RGS22: variants seen among roughly 807,000 people sequenced by gnomAD.
RGS22 encodes the protein regulator of G-protein signaling 22.
In RGS22, 148 loss-of-function variants were observed where a neutral mutation model predicts 172.9. The observed-to-expected ratio is 0.86, with a 90% CI of 0.75 to 0.98. RGS22 has a LOEUF of 0.98. RGS22 is among the 50% of genes least tolerant of loss of function. RGS22 has a pLI of 0.00. For synonymous variants in RGS22, 458 were observed against 480.2 expected (o/e 0.95, Z 0.60); for missense variants, 1,347 against 1,440.8 (o/e 0.93, Z 1.05).
At chr8:100,016,296 T>C (rs1816939538) in intron 14 of RGS22, among the ~76,000 whole-genome samples, 1 of 151,992 alleles carries the variant, frequency 6.6e-6, no homozygotes, top group African/African-American at 2.4e-5. Context: ...ATAAATAAAC[T>C]AGAGAGCAGA....
chr8:100,067,588 T>A (rs1261448568), intron 6 of RGS22, among the ~76,000 whole-genome samples: 1 of 151,768 alleles, frequency 6.6e-6, no homozygotes, highest in Non-Finnish European at 1.5e-5. Flanking sequence ...AGTCAGACTT[T>A]AACATCTTTA....
At chr8:100,096,671 A>ATTTT (rs74275402) in intron 2 of RGS22, among the ~76,000 whole-genome samples, 47 of 138,082 alleles carry the variant, frequency 3.4e-4, no homozygotes, top group Middle Eastern at 3.7e-3. Flanking sequence ...TTTAAAAAAA[A>ATTTT]TTTTTTTTTT....
At chr8:100,013,649 T>C (rs1256652769) in intron 14 of RGS22, among the ~76,000 whole-genome samples, 1 of 152,226 alleles carries the variant, frequency 6.6e-6, no homozygotes, top group Non-Finnish European at 1.5e-5. Flanking sequence ...AATAAGTTTC[T>C]CTTTATTTTA....
chr8:100,007,713 A>G (rs1001437887), intron 15 of RGS22, among the ~76,000 whole-genome samples: 13 of 152,054 alleles, frequency 8.5e-5, no homozygotes, highest in Non-Finnish European at 1.9e-4. Flanking sequence ...CTACTCTGAC[A>G]TACTTGTACG....
chr8:100,007,223 G>T (rs574635711), intron 15 of RGS22, among the ~76,000 whole-genome samples: 6 of 152,290 alleles, frequency 3.9e-5, no homozygotes, highest in Admixed American at 3.9e-4. Flanking sequence ...TTGTTGAGGA[G>T]ATGTGAACAA....
intron 24 of RGS22, among the ~76,000 whole-genome samples, chr8:99,964,454 G>A (rs909555982): frequency 6.1e-5 from 9 of 147,610 alleles, no homozygotes; most frequent in African/African-American, 2.0e-4. Flanking sequence ...CTCCAGCCTG[G>A]GTGACAGAGC....
intron 14 of RGS22, among the ~76,000 whole-genome samples, chr8:100,019,639 A>C (rs1298905556): frequency 6.6e-6 from 1 of 152,206 alleles, no homozygotes; most frequent in Non-Finnish European, 1.5e-5. Context: ...TTAAAAGTAG[A>C]CTTCCAATAT....
chr8:100,066,253 T>A lies in RGS22; in HGVS notation c.638A>T (p.Gln213Leu). 2 of 1,613,624 alleles carry A rather than the reference T, an allele frequency of 1.2e-6. No homozygotes were observed. Among genetic ancestry groups the A allele is most frequent in the Non-Finnish European group, 1.7e-6 (2 of 1,179,610 alleles). Residue 213 changes from glutamine to leucine, a missense_variant, in exon 7 of 28, where the codon CAA (glutamine) becomes CTA (leucine). Gln to Leu is a moderately radical substitution (Grantham distance 113). Coordinates refer to ENST00000360863, the MANE Select transcript of RGS22 (RefSeq NM_015668.5). ...QTKDWFALAK[Q>L]SQQTVSTFSL... ...AAAGGTTGATACTGTTTGCTGACTT[T>A]GTTTTGCTAATGCAAACCAATCTTT...
intron 10 of RGS22, among the ~76,000 whole-genome samples, chr8:100,052,017 ATATATATT>A (rs1461797137): frequency 5.1e-5 from 4 of 77,988 alleles, no homozygotes; most frequent in East Asian, 8.6e-4. Flanking sequence ...ATAAATGTTT[ATATATATT>A]TATATATTTA....
intron 2 of RGS22, among the ~76,000 whole-genome samples, chr8:100,104,178 C>T (rs1050474183): frequency 3.9e-5 from 6 of 152,046 alleles, no homozygotes; most frequent in Non-Finnish European, 7.4e-5. Context: ...ATTAGCCAGG[C>T]GTGCTGGCAC....
chr8:100,083,160 T>G (rs566438378), intron 3 of RGS22, among the ~76,000 whole-genome samples: 1 of 152,304 alleles, frequency 6.6e-6, no homozygotes, highest in South Asian at 2.1e-4. Context: ...ATGTAATGGT[T>G]GCTTGTCAGC....
At chr8:100,058,697 A>G (rs932003442) in intron 9 of RGS22, among the ~76,000 whole-genome samples, 11 of 152,162 alleles carry the variant, frequency 7.2e-5, no homozygotes, top group African/African-American at 2.4e-4. Context: ...CAGACAAACA[A>G]AAGCTGAGGG....
At chr8:100,053,928 C>T (rs1214712715) in intron 9 of RGS22, among the ~76,000 whole-genome samples, 1 of 152,220 alleles carries the variant, frequency 6.6e-6, no homozygotes, top group East Asian at 1.9e-4. Flanking sequence ...GCCACTGCGC[C>T]TGGCCTATAA....
intron 23 of RGS22, among the ~76,000 whole-genome samples, chr8:99,970,863 T>C (rs575506779): frequency 1.3e-5 from 2 of 152,232 alleles, no homozygotes; most frequent in East Asian, 3.9e-4. Flanking sequence ...GAGGGGCTCC[T>C]CCCTAACTCA....
intron 23 of RGS22, among the ~76,000 whole-genome samples, chr8:99,972,836 G>A (rs928418001): frequency 3.9e-5 from 6 of 151,944 alleles, no homozygotes; most frequent in South Asian, 2.1e-4. Context: ...GATCGAGACC[G>A]ACCAGGCTAA....
chr8:100,001,135 T>A (rs1048021990), intron 18 of RGS22, among the ~76,000 whole-genome samples: 5 of 148,974 alleles, frequency 3.4e-5, no homozygotes, highest in African/African-American at 1.2e-4. Flanking sequence ...TTCAAAAGTA[T>A]AAAAATTGCA....
At chr8:100,043,604 C>T (rs145271366) in intron 11 of RGS22, among the ~76,000 whole-genome samples, 156 of 151,978 alleles carry the variant, frequency 1.0e-3, no homozygotes, top group Admixed American at 2.5e-3. Flanking sequence ...GGTGAAACCC[C>T]GTCTCTACTA....
At chr8:99,999,158 TAAAAA>T in intron 19 of RGS22, 99 bp downstream of exon 19, 4 of 877,272 alleles carry the variant, frequency 4.6e-6, no homozygotes, top group Middle Eastern at 3.4e-4. Context: ...GCCCATTCCT[TAAAAA>T]AAAAAAAAAA....
intron 21 of RGS22, among the ~76,000 whole-genome samples, chr8:99,982,386 A>G (rs755850134): frequency 2.4e-4 from 36 of 152,212 alleles, no homozygotes; most frequent in Admixed American, 5.2e-4. Context: ...TGACATTAGT[A>G]TCTACTTTGA....
Sources: allele counts gnomAD v4.1 joint callset (sites outside exome capture counted in the v4.1 genomes callset), GRCh38; gene constraint gnomAD v4.1.1; transcripts MANE v1.5; gene names NCBI Gene and HGNC (gene_info 2026-07-23, HGNC 2026-07-21).